Variants in DNAAF4 observed in about 807,000 individuals in gnomAD.
DNAAF4 encodes dynein assembly factor 4, axonemal.
Under a neutral mutation model 51.8 loss-of-function variants are expected in DNAAF4, and 43 were observed. That is an observed-to-expected ratio of 0.83 (90% CI 0.65 to 1.07). DNAAF4 has a LOEUF of 1.07. Ranked by LOEUF, DNAAF4 falls within the 50% of genes least tolerant of loss-of-function variation. The pLI, the probability that DNAAF4 is intolerant of heterozygous loss-of-function variation, is 0.00. For synonymous variants in DNAAF4, 194 were observed against 165.6 expected (o/e 1.17, Z -1.32); for missense variants, 581 against 493.0 (o/e 1.18, Z -1.69).
chr15:55,478,761 A>G (rs2058369178), intron 4 of DNAAF4, among the ~76,000 whole-genome samples: 1 of 152,194 alleles, frequency 6.6e-6, no homozygotes, highest in Admixed American at 6.5e-5. Flanking sequence ...AACCTTCTCC[A>G]GTCCTATCAA....
At chr15:55,431,599 T>C (rs2899587) in intron 9 of DNAAF4, among the ~76,000 whole-genome samples, 150,514 of 151,712 alleles carry the variant, frequency 0.99, 74,671 homozygotes, top group Middle Eastern at 1. Flanking sequence ...CTCAGTCTCC[T>C]GAGTAGCTGG....
intron 4 of DNAAF4, among the ~76,000 whole-genome samples, chr15:55,477,561 T>A (rs2058352194): frequency 6.6e-6 from 1 of 152,030 alleles, no homozygotes; most frequent in South Asian, 2.1e-4. Flanking sequence ...TGAAGTAGAT[T>A]GTGATCAGTT....
chr15:55,498,318 C>T lies in DNAAF4; in HGVS notation c.12G>A (p.Gln4=), dbSNP rs146009735. 2.8e-5 allele frequency: 45 copies of T among 1,606,678 alleles called. No homozygotes were observed. In the African/African-American group the frequency reaches 5.5e-4, roughly 20 times the overall value. Residue 4 remains glutamine (Q), a synonymous_variant, in exon 2 of 10, where the codon CAG becomes CAA. Transcript: ENST00000321149. MPL[Q]VSDYSWQQTK... ...TCTGCTGCCAGCTGTAATCGCTAAC[C>T]TGAAGAGGCATTCCGGTAGCAACGG...
intron 5 of DNAAF4, among the ~76,000 whole-genome samples, chr15:55,459,535 C>T (rs544429093): frequency 6.6e-6 from 1 of 152,222 alleles, no homozygotes; most frequent in African/African-American, 2.4e-5. Flanking sequence ...GGCCTAAATG[C>T]TCCACTTAAA....
chr15:55,497,960 A>G (rs1403060522), intron 2 of DNAAF4, 101 bp from the exon 3 acceptor site: 17 of 1,467,868 alleles, frequency 1.2e-5, no homozygotes, highest in African/African-American at 1.4e-5. Flanking sequence ...TAAAAGGCCC[A>G]CTAAATTTAT....
chr15:55,464,715 C>A (rs190143761), intron 5 of DNAAF4, among the ~76,000 whole-genome samples: 1 of 152,152 alleles, frequency 6.6e-6, no homozygotes, highest in Non-Finnish European at 1.5e-5. Context: ...TGCCTGTAAT[C>A]CCATCACTTT....
intron 6 of DNAAF4, among the ~76,000 whole-genome samples, chr15:55,441,727 TAC>T (rs1342339575): frequency 6.6e-6 from 1 of 152,020 alleles, no homozygotes; most frequent in Non-Finnish European, 1.5e-5. Flanking sequence ...TCCATGTCCC[TAC>T]AAAGGACATG....
chr15:55,480,479 C>T (rs2141553876), intron 4 of DNAAF4, among the ~76,000 whole-genome samples: 1 of 152,224 alleles, frequency 6.6e-6, no homozygotes, highest in African/African-American at 2.4e-5. Flanking sequence ...AGCCTTTTTC[C>T]TGTGTGGGAC....
At chr15:55,458,413 T>C (rs778671133) in intron 5 of DNAAF4, among the ~76,000 whole-genome samples, 10 of 151,916 alleles carry the variant, frequency 6.6e-5, no homozygotes, top group African/African-American at 2.4e-4. Flanking sequence ...GTTTCAACAA[T>C]AGATTTGAAC....
chr15:55,464,201 G>C (rs1435230277), intron 5 of DNAAF4, among the ~76,000 whole-genome samples: 3 of 152,068 alleles, frequency 2.0e-5, no homozygotes, highest in Non-Finnish European at 2.9e-5. Context: ...CATAAAGTGG[G>C]GAAAGGACAA....
rs1318429847 is a variant in DNAAF4, at chr15:55,465,379, AT to A, written c.637+1550del. ...ATCAACTAATGAGAAGATAAAGAAA[AT>A]ATGGTGTATATATACACACACACAC... On this transcript the variant is annotated intron_variant, in intron 5 of 9. Transcript: ENST00000321149. Among the ~76,000 whole-genome samples the A allele has an allele frequency of 9.3e-5, 12 of 128,814 alleles. No individual in the cohort carries two copies. In the East Asian group the frequency reaches 2.9e-3, roughly 31 times the overall value. 84.5% of individuals were successfully genotyped at this position (128,814 alleles called of 152,430 possible).
chr15:55,430,844 C>CT, intron 9 of DNAAF4, 65 bp from the exon 10 acceptor site: 1 of 1,280,160 alleles, frequency 7.8e-7, no homozygotes, highest in Non-Finnish European at 1.1e-6. Context: ...TTTATCTAGA[C>CT]AATAGTTGTT....
chr15:55,429,545 G>A (rs1462260497), downstream of DNAAF4, among the ~76,000 whole-genome samples: 37 of 147,468 alleles, frequency 2.5e-4, no homozygotes, highest in Admixed American at 5.5e-4. Flanking sequence ...AAGGCTGGGC[G>A]CGGTGGCTCA....
At chr15:55,432,910 A>G (rs1409500618) in intron 8 of DNAAF4, among the ~76,000 whole-genome samples, 1 of 152,100 alleles carries the variant, frequency 6.6e-6, no homozygotes. Flanking sequence ...AGATCGCGCC[A>G]CTGAACTCCA....
chr15:55,495,165 C>A (rs564634833), intron 3 of DNAAF4: 4 of 135,114 alleles, frequency 3.0e-5, no homozygotes, highest in Admixed American at 1.6e-4. Context: ...AAAACAGGAA[C>A]CTGATTCTTT....
downstream of DNAAF4, among the ~76,000 whole-genome samples, chr15:55,426,203 G>GC (rs1167575504): frequency 6.6e-6 from 1 of 152,160 alleles, no homozygotes; most frequent in Non-Finnish European, 1.5e-5. Flanking sequence ...AGCTGATCCA[G>GC]CAAGTGCAGG....
chr15:55,429,957 A>C (rs1194552060), downstream of DNAAF4, among the ~76,000 whole-genome samples: 1 of 152,178 alleles, frequency 6.6e-6, no homozygotes, highest in Non-Finnish European at 1.5e-5. Context: ...CAATACCAAT[A>C]CCATAATATT....
chr15:55,428,820 T>C (rs563571546), downstream of DNAAF4, among the ~76,000 whole-genome samples: 1 of 152,196 alleles, frequency 6.6e-6, no homozygotes, highest in South Asian at 2.1e-4. Context: ...ATCATAATTT[T>C]GCAAAGGCCA....
intron 8 of DNAAF4, among the ~76,000 whole-genome samples, chr15:55,433,682 G>A (rs561034599): frequency 7.2e-6 from 1 of 138,660 alleles, no homozygotes; most frequent in Admixed American, 8.1e-5. Flanking sequence ...AGCTTAGCTG[G>A]TACAGGAATT....
Sources: gnomAD v4.1 joint callset for allele counts (sites outside exome capture counted in the v4.1 genomes callset) on GRCh38, gnomAD v4.1.1 for gene constraint, MANE v1.5 for transcripts, NCBI Gene and HGNC (gene_info 2026-07-23, HGNC 2026-07-21) for gene names.